The following PPHLN1 variants were observed in gnomAD, a reference collection of about 807,000 sequenced individuals.
PPHLN1 encodes periphilin 1.
A neutral mutation model predicts 51.3 loss-of-function variants in PPHLN1; 29 were observed. The ratio of observed to expected loss-of-function variants is 0.57; its 90% CI spans 0.42 to 0.77. The LOEUF (loss-of-function observed/expected upper bound fraction) is 0.77, where lower values mean the gene tolerates loss of function less well. PPHLN1 is among the 30% of genes least tolerant of loss of function. The pLI is 0.00. For synonymous variants in PPHLN1, 147 were observed against 147.8 expected (o/e 0.99, Z 0.04); for missense variants, 436 against 438.4 (o/e 0.99, Z 0.05).
chr12:42,416,154 G>C (rs1463225367), intron 9 of PPHLN1, among the ~76,000 whole-genome samples: 1 of 152,150 alleles, frequency 6.6e-6, no homozygotes, highest in Non-Finnish European at 1.5e-5. Flanking sequence ...TCTTACATGT[G>C]TATTTTTAAA....
intron 9 of PPHLN1, among the ~76,000 whole-genome samples, chr12:42,404,004 T>C (rs1029013591): frequency 6.6e-6 from 1 of 152,174 alleles, no homozygotes; most frequent in African/African-American, 2.4e-5. Context: ...GAACACTTAG[T>C]GTTTTCACAT....
At chr12:42,375,922 G>C (rs1441405498) in intron 5 of PPHLN1, among the ~76,000 whole-genome samples, 1 of 152,148 alleles carries the variant, frequency 6.6e-6, no homozygotes, top group Non-Finnish European at 1.5e-5. Flanking sequence ...ATTATACAAT[G>C]ATGTCCCTGT....
At chr12:42,387,645 C>A in intron 7 of PPHLN1, 110 bp downstream of exon 7, 2 of 1,361,520 alleles carry the variant, frequency 1.5e-6, no homozygotes, top group South Asian at 1.9e-5. Context: ...TAATTTGCTG[C>A]ATTTAAAAAC....
intron 7 of PPHLN1, among the ~76,000 whole-genome samples, chr12:42,391,003 A>G (rs1487203068): frequency 6.6e-6 from 1 of 151,966 alleles, no homozygotes; most frequent in Non-Finnish European, 1.5e-5. Context: ...AAATATCACA[A>G]TTTTAGATCC....
downstream of PPHLN1, chr12:42,444,473 C>G (rs2083186539): frequency 6.7e-6 from 1 of 150,352 alleles, no homozygotes; most frequent in Admixed American, 6.7e-5. Flanking sequence ...ATTGTTTGTT[C>G]TTCCTATTAA....
At chr12:42,393,793 C>T in intron 8 of PPHLN1, 104 bp downstream of exon 8, 5 of 1,133,158 alleles carry the variant, frequency 4.4e-6, no homozygotes, top group Non-Finnish European at 6.1e-6. Context: ...CAAAATATAT[C>T]CTTATGGATT....
At chr12:42,340,304 C>T (rs2071276633) in intron 2 of PPHLN1, among the ~76,000 whole-genome samples, 1 of 141,390 alleles carries the variant, frequency 7.1e-6, no homozygotes, top group Non-Finnish European at 1.5e-5. Context: ...AGGGAGAGAT[C>T]CTGTCTCAAA....
At chr12:42,408,578 G>A (rs1228773904) in intron 9 of PPHLN1, among the ~76,000 whole-genome samples, 1 of 152,138 alleles carries the variant, frequency 6.6e-6, no homozygotes, top group African/African-American at 2.4e-5. Context: ...AGGGGATCTG[G>A]CTTAAATCTC....
chr12:42,423,769 C>T (rs1205906135), intron 9 of PPHLN1, among the ~76,000 whole-genome samples: 1 of 151,920 alleles, frequency 6.6e-6, no homozygotes, highest in African/African-American at 2.4e-5. Context: ...CCTCTGCCTC[C>T]TGGTTCAAGT....
At chr12:42,413,625 C>T (rs887430088) in intron 9 of PPHLN1, among the ~76,000 whole-genome samples, 10 of 150,472 alleles carry the variant, frequency 6.6e-5, no homozygotes, top group Admixed American at 6.6e-4. Context: ...GCAGTGGCGC[C>T]ATCTCGGCTC....
Position 42,396,184 on chromosome 12 carries a change from TA to T in PPHLN1, c.768+2497del, listed in dbSNP as rs553720667. ...CTTTTTAGAGATTTTAATTTATTATTAATATGTTCATCGGTGTTCAGTAAGA... is the reference window on the plus strand; with the variant it reads ...CTTTTTAGAGATTTTAATTTATTATTATATGTTCATCGGTGTTCAGTAAGA... On this transcript the variant is annotated intron_variant, in intron 8 of 9. Coordinates refer to ENST00000358314, the MANE Select transcript of PPHLN1 (RefSeq NM_201439.2). Among the ~76,000 whole-genome samples, 274 of 152,306 alleles carry T rather than the reference TA, an allele frequency of 1.8e-3. 1 individual carries two copies. The highest frequency in any genetic ancestry group is 3.3e-3 in the Non-Finnish European group (223 of 68,022).
chr12:42,340,898 C>CTA (rs754909489), intron 2 of PPHLN1, among the ~76,000 whole-genome samples: 14 of 151,712 alleles, frequency 9.2e-5, no homozygotes, highest in Non-Finnish European at 1.8e-4. Flanking sequence ...AGGTAACATT[C>CTA]TATTTTGTTT....
At chr12:42,447,415 C>T (rs532816233), downstream of PPHLN1, 6 of 152,260 alleles carry the variant, frequency 3.9e-5, no homozygotes, top group Non-Finnish European at 7.4e-5. Context: ...AGAAACAAAG[C>T]GAATAGGCAG....
Position 42,375,026 on chromosome 12 carries a change from T to A in PPHLN1, c.463T>A (p.Ser155Thr). The change falls in exon 5 of 10, where the codon TCT (serine) becomes ACT (threonine). Residue 155 changes from serine to threonine, a missense_variant. Ser to Thr is a moderately conservative substitution (Grantham distance 58). Transcript: ENST00000358314. The part of the protein sequence containing the change: ...SGSSVSSRSY[S>T]PERSKSYSFH... ...TTCCAGTGTCAGTAGCAGAAGCTAC[T>A]CTCCAGAAAGGAGCAAATCATACTC... 3.1e-6 allele frequency: 5 copies of A among 1,613,924 alleles called. No homozygotes were observed. The highest frequency in any genetic ancestry group is 4.2e-6 in the Non-Finnish European group (5 of 1,179,934).
chr12:42,423,680 T>A (rs1316787538), intron 9 of PPHLN1, among the ~76,000 whole-genome samples: 2 of 78,394 alleles, frequency 2.6e-5, no homozygotes, highest in Non-Finnish European at 3.8e-5. Context: ...AACATGCAAA[T>A]TTTTTTTTTT....
chr12:42,441,478 C>T lies in PPHLN1; in HGVS notation c.1073C>T (p.Thr358Ile), dbSNP rs761304026. ...ELKHFIAEYD[T>I]STQDFGEPF ...AAGCATTTCATTGCAGAGTATGATA[C>T]TTCCACTCAAGATTTTGGAGAGCCT... is the stretch of plus-strand genomic sequence containing the variant. The change falls in exon 10 of 10, where the codon ACT (threonine) becomes ATT (isoleucine). Residue 358 changes from threonine to isoleucine, a missense_variant. Transcript: ENST00000358314. 12 of 1,604,908 alleles carry T rather than the reference C, an allele frequency of 7.5e-6. No individual in the cohort carries two copies. The highest frequency in any genetic ancestry group is 1.3e-5 in the African/African-American group (1 of 74,308).
At chr12:42,349,496 G>A (rs2072884390) in intron 2 of PPHLN1, among the ~76,000 whole-genome samples, 1 of 152,046 alleles carries the variant, frequency 6.6e-6, no homozygotes, top group African/African-American at 2.4e-5. Flanking sequence ...TGGAGAGAAG[G>A]TCAGCAGATA....
At chr12:42,375,969 C>T (rs947129495) in intron 5 of PPHLN1, among the ~76,000 whole-genome samples, 2 of 152,078 alleles carry the variant, frequency 1.3e-5, no homozygotes, top group Non-Finnish European at 2.9e-5. Context: ...TATTTCTCAC[C>T]AGCTAATACC....
chr12:42,441,351 G>C lies in PPHLN1; in HGVS notation c.946G>C (p.Val316Leu). 6.2e-7 allele frequency: 1 copy of C among 1,613,144 alleles called. No homozygotes were observed. The highest frequency in any genetic ancestry group is 8.5e-7 in the Non-Finnish European group (1 of 1,179,432). Residue 316 changes from valine to leucine, a missense_variant, in exon 10 of 10, where the codon GTG becomes CTG. Physicochemically the swap from Val to Leu is conservative, Grantham distance 32. Transcript: ENST00000358314. ...AGACTGTGAAACTTTCGGGATGGTG[G>C]TGAAAATGCTGATTGAAAAAGATCC... ...RQDCETFGMV[V>L]KMLIEKDPSL...
Sources: gnomAD v4.1 joint callset for allele counts (sites outside exome capture counted in the v4.1 genomes callset) on GRCh38, gnomAD v4.1.1 for gene constraint, MANE v1.5 for transcripts, NCBI Gene and HGNC (gene_info 2026-07-23, HGNC 2026-07-21) for gene names.